The following GPC5 variants were observed in gnomAD, a reference collection of about 807,000 sequenced individuals.
GPC5 encodes glypican 5.
Under a neutral mutation model 53.9 loss-of-function variants are expected in GPC5, and 47 were observed. The ratio of observed to expected loss-of-function variants is 0.87; its 90% confidence interval spans 0.69 to 1.11. GPC5 has a LOEUF of 1.11. Ranked by LOEUF, GPC5 falls within the 50% of genes most tolerant of loss-of-function variation. The pLI, the probability that GPC5 is intolerant of heterozygous loss-of-function variation, is 0.00. For missense variants in GPC5, 748 were observed against 713.1 expected (o/e 1.05, Z -0.56); for synonymous variants, 286 against 263.3 (o/e 1.09, Z -0.84).
chr13:92,398,001 G>A (rs1246418779), intron 7 of GPC5, among the ~76,000 whole-genome samples: 1 of 152,164 alleles, frequency 6.6e-6, no homozygotes, highest in Admixed American at 6.5e-5. Flanking sequence ...GCAGAGTGAG[G>A]ATCTGAGTGC....
At chr13:91,454,542 G>A (rs1273869660) in intron 2 of GPC5, among the ~76,000 whole-genome samples, 5 of 152,076 alleles carry the variant, frequency 3.3e-5, no homozygotes, top group Non-Finnish European at 7.4e-5. Flanking sequence ...CTATTGGCTA[G>A]ATGAATTGAC....
At chr13:91,436,330 A>G (rs970863088) in intron 1 of GPC5, among the ~76,000 whole-genome samples, 2 of 151,740 alleles carry the variant, frequency 1.3e-5, no homozygotes, top group Non-Finnish European at 2.9e-5. Context: ...ATTTAGTGCT[A>G]TAAATTTCCC....
chr13:92,532,583 T>A (rs1298614490), intron 7 of GPC5, among the ~76,000 whole-genome samples: 4 of 152,188 alleles, frequency 2.6e-5, no homozygotes, highest in Non-Finnish European at 4.4e-5. Context: ...TTTTTTTCAC[T>A]TATCAGAGGA....
At chr13:92,591,065 A>G (rs1042410143) in intron 7 of GPC5, among the ~76,000 whole-genome samples, 1 of 152,240 alleles carries the variant, frequency 6.6e-6, no homozygotes, top group Admixed American at 6.5e-5. Flanking sequence ...ATGCTAAAAC[A>G]ATGTAAGATT....
chr13:91,714,522 C>A (rs1055815319), intron 3 of GPC5, among the ~76,000 whole-genome samples: 5 of 151,940 alleles, frequency 3.3e-5, no homozygotes, highest in South Asian at 2.1e-4. Flanking sequence ...GTAAATGATT[C>A]CATTTTAAAT....
At chr13:92,105,919 T>C (rs1161785098) in intron 6 of GPC5, among the ~76,000 whole-genome samples, 1 of 152,060 alleles carries the variant, frequency 6.6e-6, no homozygotes, top group Non-Finnish European at 1.5e-5. Flanking sequence ...TGTTACCATA[T>C]ATTAATATTG....
intron 7 of GPC5, among the ~76,000 whole-genome samples, chr13:92,542,051 T>C (rs1881947573): frequency 6.6e-6 from 1 of 152,020 alleles, no homozygotes; most frequent in East Asian, 1.9e-4. Flanking sequence ...TTTTAAAATT[T>C]TAATTGACAC....
intron 2 of GPC5, among the ~76,000 whole-genome samples, chr13:91,516,023 C>A (rs570358838): frequency 1.3e-5 from 2 of 152,032 alleles, no homozygotes; most frequent in Non-Finnish European, 2.9e-5. Flanking sequence ...GAAAGACTGG[C>A]CCCCCATGAT....
intron 7 of GPC5, among the ~76,000 whole-genome samples, chr13:92,230,828 G>A (rs1034183437): frequency 1.3e-5 from 2 of 152,008 alleles, no homozygotes; most frequent in African/African-American, 4.8e-5. Context: ...AAATTACATT[G>A]ATTCATAAAA....
chr13:92,372,781 G>A (rs2043661885), intron 7 of GPC5, among the ~76,000 whole-genome samples: 1 of 152,166 alleles, frequency 6.6e-6, no homozygotes, highest in Admixed American at 6.5e-5. Context: ...GTGGGCTCAA[G>A]TAATTACTCT....
chr13:92,607,644 C>A (rs1315631109), intron 7 of GPC5, among the ~76,000 whole-genome samples: 1 of 152,004 alleles, frequency 6.6e-6, no homozygotes, highest in African/African-American at 2.4e-5. Context: ...AGTTTTTATC[C>A]ATTTTAATTG....
intron 6 of GPC5, among the ~76,000 whole-genome samples, chr13:91,985,920 A>G (rs2040402539): frequency 6.6e-6 from 1 of 151,892 alleles, no homozygotes; most frequent in Admixed American, 6.6e-5. Context: ...AAAATACTCA[A>G]TGCCACTTTT....
At chr13:91,657,159 G>A (rs552702078) in intron 2 of GPC5, among the ~76,000 whole-genome samples, 6 of 152,274 alleles carry the variant, frequency 3.9e-5, no homozygotes, top group African/African-American at 1.2e-4. Context: ...GAAAGAAGAT[G>A]GCTGAAAGAG....
At chr13:91,455,415 A>C (rs1000972517) in intron 2 of GPC5, among the ~76,000 whole-genome samples, 5 of 152,122 alleles carry the variant, frequency 3.3e-5, no homozygotes, top group Admixed American at 3.3e-4. Context: ...ATGATGTTGT[A>C]TCTTGTTTTC....
intron 7 of GPC5, among the ~76,000 whole-genome samples, chr13:92,541,859 G>A (rs112759554): frequency 0.011 from 1,685 of 151,968 alleles, 13 homozygotes; most frequent in Middle Eastern, 0.037. Context: ...AGTTGCTCCA[G>A]GACCATTTAC....
At chr13:92,068,887 CATAAT>C (rs898570462) in intron 6 of GPC5, among the ~76,000 whole-genome samples, 3 of 151,792 alleles carry the variant, frequency 2.0e-5, no homozygotes, top group Non-Finnish European at 3.0e-5. Context: ...ATATTATAAG[CATAAT>C]ATAATATAAT....
chr13:91,554,415 C>T (rs563580992), intron 2 of GPC5, among the ~76,000 whole-genome samples: 2 of 151,530 alleles, frequency 1.3e-5, no homozygotes, highest in Non-Finnish European at 3.0e-5. Flanking sequence ...AGACACAGCA[C>T]CACAGACACA....
intron 7 of GPC5, among the ~76,000 whole-genome samples, chr13:92,243,564 A>G (rs1159198220): frequency 1.3e-5 from 2 of 152,196 alleles, no homozygotes; most frequent in African/African-American, 4.8e-5. Context: ...ATGGTGAAAG[A>G]AAGAGGAATC....
intron 2 of GPC5, among the ~76,000 whole-genome samples, chr13:91,567,533 T>G (rs1235537433): frequency 2.0e-5 from 3 of 150,598 alleles, no homozygotes; most frequent in Non-Finnish European, 4.4e-5. Flanking sequence ...TCAGGAGAGG[T>G]TTTTTAATAG....
Sources: gnomAD v4.1 joint callset for allele counts (sites outside exome capture counted in the v4.1 genomes callset) on GRCh38, gnomAD v4.1.1 for gene constraint, MANE v1.5 for transcripts, NCBI Gene and HGNC (gene_info 2026-07-23, HGNC 2026-07-21) for gene names.